Variants in PLEKHA1 observed in about 807,000 individuals in gnomAD.
PLEKHA1 encodes the protein pleckstrin homology domain-containing family A member 1.
PLEKHA1 carries 34 observed loss-of-function variants against 52.0 expected under a neutral mutation model. That is an observed-to-expected ratio of 0.65 (90% CI 0.50 to 0.87). The LOEUF is 0.87. Among genes scored for constraint, PLEKHA1 ranks in the 40% least tolerant of loss-of-function variants. The pLI is 0.00. For synonymous variants in PLEKHA1, 163 were observed against 170.7 expected (o/e 0.95, Z 0.35); for missense variants, 497 against 504.2 (o/e 0.99, Z 0.14).
intron 9 of PLEKHA1, among the ~76,000 whole-genome samples, 187 bp from the exon 10 acceptor site, chr10:122,424,709 T>A (rs956067233): frequency 6.6e-6 from 1 of 152,220 alleles, no homozygotes; most frequent in Non-Finnish European, 1.5e-5. Flanking sequence ...GAACTTTTTC[T>A]AAAAGTGAAA....
chr10:122,418,375 T>A (rs2097209420), intron 8 of PLEKHA1: 1 of 158,740 alleles, frequency 6.3e-6, no homozygotes, highest in South Asian at 1.9e-4. Context: ...TTAAGTATAA[T>A]AGAAGCCAAG....
In PLEKHA1 at chr10:122,427,043, G is replaced by A. The variant is rs1210664723; in HGVS notation, c.900+12G>A. 6.2e-7 allele frequency: 1 copy of A among 1,605,920 alleles called. No homozygotes were observed. Among genetic ancestry groups the A allele is most frequent in the Non-Finnish European group, 8.5e-7 (1 of 1,172,826 alleles). ...GATCTGCGTCTTCTGTAGGTTTCCT[G>A]CTCTCTGGGGTGATACTCCCTTGCG... is the stretch of plus-strand genomic sequence containing the variant. On this transcript the variant is annotated intron_variant, in intron 11 of 11. Coordinates refer to ENST00000368990, the MANE Select transcript of PLEKHA1 (RefSeq NM_001001974.4).
chr10:122,438,256 CAAAA>C, the PLEKHA1 span: 1 of 151,940 alleles, frequency 6.6e-6, no homozygotes, highest in Non-Finnish European at 1.5e-5. Flanking sequence ...GTCACTGTCT[CAAAA>C]AACAAACAGA....
intron 11 of PLEKHA1, among the ~76,000 whole-genome samples, chr10:122,427,890 C>G (rs1255395867): frequency 6.6e-6 from 1 of 152,068 alleles, no homozygotes; most frequent in East Asian, 1.9e-4. Context: ...ATATTTTTTT[C>G]TGATAGTATT....
chr10:122,421,895 C>G (rs765470993), intron 8 of PLEKHA1: 4 of 105,558 alleles, frequency 3.8e-5, no homozygotes, highest in Non-Finnish European at 7.1e-5. Context: ...ATTCTGTAAA[C>G]AAAAGGAATC....
chr10:122,431,704 T>A lies in PLEKHA1; in HGVS notation c.*1766T>A, dbSNP rs1296243227. 1 of 152,662 alleles carries A rather than the reference T, an allele frequency of 6.6e-6. No homozygotes were observed. Among genetic ancestry groups the A allele is most frequent in the Non-Finnish European group, 1.5e-5 (1 of 68,038 alleles). 9.5% of individuals were successfully genotyped at this position (152,662 alleles called of 1,614,324 possible). On this transcript the variant is annotated 3_prime_UTR_variant, in exon 12 of 12. Transcript: ENST00000368990. ...ATAAAGAATGCACCACTCAACTTTT[T>A]TATTCATAAGCTAATATTTTTTTAA...
intron 4 of PLEKHA1, among the ~76,000 whole-genome samples, chr10:122,406,236 C>A (rs1481849372): frequency 6.6e-6 from 1 of 152,076 alleles, no homozygotes; most frequent in Non-Finnish European, 1.5e-5. Flanking sequence ...AAATTTATCA[C>A]CCAGAAATGC....
At position 122,431,426 on chromosome 10, in the gene PLEKHA1, TACCG is replaced by T. The variant is rs2097416176; in HGVS notation, c.*1489_*1492del. On this transcript the variant is annotated 3_prime_UTR_variant, in exon 12 of 12. Coordinates refer to ENST00000368990, the MANE Select transcript of PLEKHA1 (RefSeq NM_001001974.4). The stretch of plus-strand genomic sequence containing the variant: ...TGAGCCACCATGCCCGGCCCATAAG[TACCG>T]TTTTTGAGGTTCAGTCTTAAACATT... The T allele has an allele frequency of 6.5e-6, 1 of 152,680 alleles. No homozygotes were observed. The highest frequency in any genetic ancestry group is 2.4e-5 in the African/African-American group (1 of 41,466). The allele number at this position is 152,680 out of a possible 1,614,324, so 9.5% of individuals were successfully genotyped here. A position where few individuals can be genotyped will look rare whatever the true frequency, so the allele number is the denominator to read the frequency against.
chr10:122,415,053 A>ACT (rs2133135722), intron 6 of PLEKHA1, among the ~76,000 whole-genome samples: 1 of 152,256 alleles, frequency 6.6e-6, no homozygotes, highest in East Asian at 1.9e-4. Flanking sequence ...GTGGGAAACA[A>ACT]CTCAAATGTC....
rs1489980256 is a variant in PLEKHA1 at position 122,429,706 on chromosome 10, C to T, written c.983C>T (p.Ser328Phe). ...AATATSHSTA[S>F]RSNSLVSTFT... The stretch of plus-strand genomic sequence containing the variant: ...ACCGCCACCTCACATTCCACAGCCT[C>T]TCGCAGCAACTCTTTGGTCTCAACC... Residue 328 changes from serine to phenylalanine, a missense_variant, in exon 12 of 12, where the codon TCT becomes TTT. Transcript: ENST00000368990. 6.2e-7 allele frequency: 1 copy of T among 1,614,146 alleles called. No individual in the cohort carries two copies. The highest frequency in any genetic ancestry group is 8.5e-7 in the Non-Finnish European group (1 of 1,180,012).
chr10:122,415,217 C>T (rs377574390), intron 6 of PLEKHA1, among the ~76,000 whole-genome samples: 1 of 152,196 alleles, frequency 6.6e-6, no homozygotes, highest in East Asian at 1.9e-4. Flanking sequence ...AGATAACCTT[C>T]TGTATGCTTC....
chr10:122,405,188 C>T (rs1012015662), intron 4 of PLEKHA1, among the ~76,000 whole-genome samples: 1 of 151,892 alleles, frequency 6.6e-6, no homozygotes, highest in South Asian at 2.1e-4. Context: ...ATAAAAGTTC[C>T]AAATGTATTA....
chr10:122,415,199 A>G (rs545603063), intron 6 of PLEKHA1, among the ~76,000 whole-genome samples: 25 of 152,350 alleles, frequency 1.6e-4, no homozygotes, highest in Non-Finnish European at 1.0e-4. Context: ...AAAAAAGATA[A>G]TCTCAAAAGA....
intron 1 of PLEKHA1, among the ~76,000 whole-genome samples, chr10:122,384,050 C>T (rs1024725688): frequency 6.6e-6 from 1 of 151,972 alleles, no homozygotes; most frequent in Non-Finnish European, 1.5e-5. Flanking sequence ...GGCTACATCT[C>T]GGTATGGTTT....
At chr10:122,410,338 C>T (rs2097090767) in intron 5 of PLEKHA1, among the ~76,000 whole-genome samples, 1 of 151,986 alleles carries the variant, frequency 6.6e-6, no homozygotes, top group Admixed American at 6.6e-5. Flanking sequence ...GATAGAAAGC[C>T]AAGGAAAGGG....
intron 1 of PLEKHA1, among the ~76,000 whole-genome samples, chr10:122,389,060 ACCT>A (rs1277724928): frequency 2.0e-5 from 3 of 152,130 alleles, no homozygotes; most frequent in Admixed American, 2.0e-4. Flanking sequence ...TGATATTTGG[ACCT>A]CCTCTTGTGA....
At chr10:122,399,875 G>A (rs536576021) in intron 3 of PLEKHA1, among the ~76,000 whole-genome samples, 1 of 152,272 alleles carries the variant, frequency 6.6e-6, no homozygotes, top group South Asian at 2.1e-4. Context: ...GTGAGCCACT[G>A]TGCCCAGCCT....
At chr10:122,387,232 G>C (rs1486234881) in intron 1 of PLEKHA1, 1 of 151,652 alleles carries the variant, frequency 6.6e-6, no homozygotes, top group Non-Finnish European at 1.5e-5. Context: ...GCTTTTTAGG[G>C]TGGAGTTTAT....
At chr10:122,380,141 A>T (rs1423137863) in intron 1 of PLEKHA1, among the ~76,000 whole-genome samples, 1 of 152,226 alleles carries the variant, frequency 6.6e-6, no homozygotes, top group African/African-American at 2.4e-5. Context: ...CTGGTAAATG[A>T]TTCTTGTCTG....
Sources: gnomAD v4.1 joint callset for allele counts (sites outside exome capture counted in the v4.1 genomes callset) on GRCh38, gnomAD v4.1.1 for gene constraint, MANE v1.5 for transcripts, NCBI Gene and HGNC (gene_info 2026-07-23, HGNC 2026-07-21) for gene names.